TGM7: variants seen among roughly 807,000 people sequenced by gnomAD.
TGM7 encodes protein-glutamine gamma-glutamyltransferase Z.
TGM7 carries 74 observed loss-of-function variants against 79.5 expected under a neutral mutation model. That is an observed-to-expected ratio of 0.93 (90% confidence interval 0.77 to 1.13). The LOEUF is 1.13. TGM7 is among the 50% of genes most tolerant of loss of function. TGM7 has a pLI of 0.00. For missense variants in TGM7, 912 were observed against 905.9 expected (o/e 1.01, Z -0.09); for synonymous variants, 354 against 362.5 (o/e 0.98, Z 0.27).
At chr15:43,286,594 C>T (rs2042936699) in intron 6 of TGM7, among the ~76,000 whole-genome samples, 1 of 152,206 alleles carries the variant, frequency 6.6e-6, no homozygotes, top group African/African-American at 2.4e-5. Context: ...TCCCCATTCT[C>T]TGCTCCTCCT....
chr15:43,285,023 G>C, intron 6 of TGM7, 71 bp from the exon 7 acceptor site: 1 of 1,584,592 alleles, frequency 6.3e-7, no homozygotes, highest in Non-Finnish European at 8.6e-7. Context: ...TGCATAATTT[G>C]TAACTTTCAA....
In TGM7 at chr15:43,293,585, G is replaced by T. The variant is rs745871062; in HGVS notation, c.57C>A (p.Asn19Lys). Residue 19 changes from asparagine to lysine, a missense_variant, in exon 2 of 13, where the codon AAC (asparagine) becomes AAA (lysine). By Grantham distance (94) the Asn-to-Lys change is moderately conservative. Coordinates refer to ENST00000452443, the MANE Select transcript of TGM7 (RefSeq NM_052955.3). ...LESVDLQSSR[N>K]NKEHHTQEMG... ...TCTCCTGCGTGTGGTGCTCCTTGTT[G>T]TTCCTGGAGCTCTGCAGGTCGACAG... is the stretch of plus-strand genomic sequence containing the variant. The T allele has an allele frequency of 3.7e-6, 6 of 1,610,352 alleles. No individual in the cohort carries two copies. Among genetic ancestry groups the T allele is most frequent in the South Asian group, 2.2e-5 (2 of 90,934 alleles).
At chr15:43,288,496 T>A (rs2042948167) in intron 4 of TGM7, among the ~76,000 whole-genome samples, 1 of 152,174 alleles carries the variant, frequency 6.6e-6, no homozygotes. Context: ...GAATTACTAT[T>A]CTTTTTTTTT....
Position 43,279,936 on chromosome 15 carries a change from C to T in TGM7, c.1367G>A (p.Arg456Lys), listed in dbSNP as rs994239373. ...YKYPEGSPEE[R>K]AVFMKASRKM... ...CCGAGAAGCCTTCATGAAGACAGCT[C>T]TCTCCTCAGGGGATCCTGCAGAAGG... Residue 456 changes from arginine (R) to lysine (K), a missense_variant, in exon 10 of 13, where the codon AGA becomes AAA. Arg to Lys is a conservative substitution (Grantham distance 26). Coordinates refer to ENST00000452443, the MANE Select transcript of TGM7 (RefSeq NM_052955.3). 18 of 1,614,030 alleles carry T rather than the reference C, an allele frequency of 1.1e-5. No homozygotes were observed. The highest frequency in any genetic ancestry group is 1.5e-5 in the Non-Finnish European group (18 of 1,179,944).
At position 43,291,996 on chromosome 15, in the gene TGM7, G is replaced by A. The variant is rs146387827; in HGVS notation, c.541C>T (p.Pro181Ser). ...AGTGTTACCTGCCCGTAGTTCCAGGGCCAGGAGGTGATGAATCTTTCATGA... is the reference window on the plus strand; with the variant it reads ...AGTGTTACCTGCCCGTAGTTCCAGGACCAGGAGGTGATGAATCTTTCATGA... ...KGHERFITSW[P>S]WNYGQFEEDI... The change falls in exon 4 of 13, where the codon CCC (proline) becomes TCC (serine). Residue 181 changes from proline (P) to serine (S), a missense_variant. Coordinates refer to ENST00000452443, the MANE Select transcript of TGM7 (RefSeq NM_052955.3). The A allele has an allele frequency of 1.2e-6, 2 of 1,613,838 alleles. No homozygotes were observed. Among genetic ancestry groups the A allele is most frequent in the Admixed American group, 3.3e-5 (2 of 60,014 alleles).
At position 43,293,629 on chromosome 15, in the gene TGM7, C is replaced by T. The variant is rs1278645538; in HGVS notation, c.13G>A (p.Ala5Thr). 5 of 1,601,834 alleles carry T rather than the reference C, an allele frequency of 3.1e-6. No individual in the cohort carries two copies. Among genetic ancestry groups the T allele is most frequent in the Non-Finnish European group, 2.6e-6 (3 of 1,175,838 alleles). MDQV[A>T]TLRLESVDLQ... is the part of the protein sequence containing the mutation. Reference sequence around the variant, plus strand: ...TCGACAGACTCAAGCCGCAAGGTTGCCACTAGGGGAGAGGAGGGGACAGGT... The same window carrying T: ...TCGACAGACTCAAGCCGCAAGGTTGTCACTAGGGGAGAGGAGGGGACAGGT... Residue 5 changes from alanine (A) to threonine (T), a missense_variant and splice_region_variant, in exon 2 of 13, where the codon GCA (alanine) becomes ACA (threonine). Transcript: ENST00000452443.
chr15:43,291,003 C>T (rs2042961039), intron 4 of TGM7, among the ~76,000 whole-genome samples: 1 of 152,210 alleles, frequency 6.6e-6, no homozygotes, highest in African/African-American at 2.4e-5. Flanking sequence ...ATCATGTCAT[C>T]TGCAAACAGG....
At chr15:43,281,438 T>C (rs1338025870) in intron 9 of TGM7, among the ~76,000 whole-genome samples, 1 of 152,214 alleles carries the variant, frequency 6.6e-6, no homozygotes, top group African/African-American at 2.4e-5. Context: ...TCCAACCACA[T>C]TTAAATTCCA....
Position 43,276,949 on chromosome 15 carries a change from G to T in TGM7, c.1886C>A (p.Thr629Asn). Residue 629 changes from threonine (T) to asparagine (N), a missense_variant, in exon 12 of 13, where the codon ACC becomes AAC. Thr to Asn is a moderately conservative substitution (Grantham distance 65, BLOSUM62 0). Transcript: ENST00000452443. Reference sequence around the variant, plus strand: ...AGCCACCATTAAGGTGTTGGTGAGGGTGACATGGACTCTCAGCGCCTTGCC... The same window carrying T: ...AGCCACCATTAAGGTGTTGGTGAGGTTGACATGGACTCTCAGCGCCTTGCC... ...EVGKALRVHV[T>N]LTNTLMVALS... 2.5e-6 allele frequency: 4 copies of T among 1,614,118 alleles called. No homozygotes were observed. The South Asian group carries it at 4.4e-5, about 18-fold the overall frequency.
In TGM7 at chr15:43,287,414, C is replaced by T. The variant is rs750941019; in HGVS notation, c.731G>A (p.Gly244Asp). 2 of 1,614,158 alleles carry T rather than the reference C, an allele frequency of 1.2e-6. No homozygotes were observed. Among genetic ancestry groups the T allele is most frequent in the Admixed American group, 3.3e-5 (2 of 60,014 alleles). The change falls in exon 6 of 13, where the codon GGC (glycine) becomes GAC (aspartate). Residue 244 changes from glycine (G) to aspartate (D), a missense_variant. Physicochemically the swap from Gly to Asp is moderately conservative, Grantham distance 94. Transcript: ENST00000452443. ...ACTGACCCCTTTGGAGTAGTCCTCG[C>T]CCCAGTTCCCCTGCAGCACGCCATT... The part of the protein sequence containing the change: ...DDNGVLQGNW[G>D]EDYSKGVSPL...
At chr15:43,301,829 C>T (rs1466751511) in intron 1 of TGM7, among the ~76,000 whole-genome samples, 2 of 151,822 alleles carry the variant, frequency 1.3e-5, no homozygotes, top group African/African-American at 4.8e-5. Context: ...CAGTGAGGAC[C>T]TGAGAGTCAG....
intron 4 of TGM7, among the ~76,000 whole-genome samples, chr15:43,288,764 T>C (rs1027855578): frequency 3.3e-5 from 5 of 152,112 alleles, no homozygotes; most frequent in Admixed American, 6.5e-5. Flanking sequence ...ACCCCGTCTC[T>C]ACTAAAAATA....
chr15:43,297,547 G>GAA (rs1474519908), intron 1 of TGM7, among the ~76,000 whole-genome samples: 37 of 134,792 alleles, frequency 2.7e-4, no homozygotes, highest in African/African-American at 7.3e-4. Context: ...AAGAGAAAAA[G>GAA]AAAGAAAGAA....
rs757040211 is a variant in TGM7, at chr15:43,284,767, C to T, written c.1004+47G>A. ...AGAGAGAACCAGGTCAGTTTTTCTG[C>T]CCTCCCTGGGACAAAGCAGAGATCT... On this transcript the variant is annotated intron_variant, in intron 7 of 12. Transcript: ENST00000452443. The T allele has an allele frequency of 6.9e-6, 11 of 1,600,454 alleles. No individual in the cohort carries two copies. In the Admixed American group the frequency reaches 8.4e-5, roughly 12 times the overall value.
At chr15:43,292,396 G>C (rs1658059037) in intron 3 of TGM7, among the ~76,000 whole-genome samples, 1 of 152,184 alleles carries the variant, frequency 6.6e-6, no homozygotes, top group African/African-American at 2.4e-5. Context: ...GAAGACAATG[G>C]AAACTGCTCA....
In TGM7 at chr15:43,287,581, C is replaced by T. The variant is rs1367052982; in HGVS notation, c.647G>A (p.Arg216Gln). 25 of 1,614,046 alleles carry T rather than the reference C, an allele frequency of 1.5e-5. No individual in the cohort carries two copies. The highest frequency in any genetic ancestry group is 4.4e-5 in the South Asian group (4 of 91,080). Reference sequence around the variant, plus strand: ...CCTGCACACATACACCACGTCGTTCCGCTGGGAACAGTCTTTGGCCGGGTT... The same window carrying T: ...CCTGCACACATACACCACGTCGTTCTGCTGGGAACAGTCTTTGGCCGGGTT... ...LKNPAKDCSQ[R>Q]NDVVYVCRVV... The change falls in exon 5 of 13, where the codon CGG becomes CAG. Residue 216 changes from arginine to glutamine, a missense_variant. Coordinates refer to ENST00000452443, the MANE Select transcript of TGM7 (RefSeq NM_052955.3).
intron 1 of TGM7, among the ~76,000 whole-genome samples, chr15:43,297,587 T>TGGAAAGAA (rs1555386111): frequency 2.7e-4 from 31 of 114,570 alleles, no homozygotes; most frequent in African/African-American, 1.1e-3. Flanking sequence ...TCTGCATGTA[T>TGGAAAGAA]AGAAAGAAAG....
At chr15:43,289,508 G>A (rs533852596) in intron 4 of TGM7, among the ~76,000 whole-genome samples, 1 of 152,220 alleles carries the variant, frequency 6.6e-6, no homozygotes, top group East Asian at 1.9e-4. Flanking sequence ...ATTGTGAATT[G>A]TGCCGCAATA....
At chr15:43,284,499 A>G (rs983909860) in intron 7 of TGM7, among the ~76,000 whole-genome samples, 1 of 152,218 alleles carries the variant, frequency 6.6e-6, no homozygotes, top group African/African-American at 2.4e-5. Flanking sequence ...TGGATGGTAC[A>G]AACAGAAACT....
Sources: allele counts gnomAD v4.1 joint callset (sites outside exome capture counted in the v4.1 genomes callset), GRCh38; gene constraint gnomAD v4.1.1; transcripts MANE v1.5; gene names NCBI Gene and HGNC (gene_info 2026-07-23, HGNC 2026-07-21).